Variants in FAM240B observed in about 807,000 individuals in gnomAD.
The protein encoded by FAM240B is protein FAM240B.
intron 1 of FAM240B, among the ~76,000 whole-genome samples, chr9:38,717,211 T>C (rs1194241758): frequency 6.6e-6 from 1 of 152,218 alleles, no homozygotes; most frequent in East Asian, 1.9e-4. Context: ...GGTCTACATA[T>C]TTGGGATGCT....
In FAM240B at chr9:38,703,892, C is replaced by A. The variant is rs977740810; in HGVS notation, c.108G>T (p.Leu36=). Reference sequence around the variant, plus strand: ...CGCTTCTTTCTTGACGATCTTCCTCCAGTTCTCGGTAAAAAGTCTGTTTGC... The same window carrying A: ...CGCTTCTTTCTTGACGATCTTCCTCAAGTTCTCGGTAAAAAGTCTGTTTGC... The part of the protein sequence containing the change: ...EISKQTFYRE[L]EEDRQERSAL... The change falls in exon 2 of 3, where the codon CTG becomes CTT. Residue 36 remains leucine (L), a synonymous_variant. Coordinates refer to ENST00000637493, the MANE Select transcript of FAM240B (RefSeq NM_001394922.1). 1 of 400,432 alleles carries A rather than the reference C, an allele frequency of 2.5e-6. No homozygotes were observed. Among genetic ancestry groups the A allele is most frequent in the Non-Finnish European group, 4.4e-6 (1 of 226,122 alleles). 24.8% of individuals were successfully genotyped at this position (400,432 alleles called of 1,614,324 possible). A position where few individuals can be genotyped will look rare whatever the true frequency, so the allele number is the denominator to read the frequency against.
rs368293051 is a variant in FAM240B, at chr9:38,707,619, A to C, written c.-3-3617T>G. 1.9e-3 allele frequency among the ~76,000 whole-genome samples: 277 copies of C among 149,532 alleles called. 2 individuals are homozygous for C. Among genetic ancestry groups the C allele is most frequent in the African/African-American group, 4.7e-3 (193 of 40,818 alleles). On this transcript the variant is annotated intron_variant, in intron 1 of 2. Coordinates refer to ENST00000637493, the MANE Select transcript of FAM240B (RefSeq NM_001394922.1). ...CCGTCTCTACTAAAAAAAACAAAAA[A>C]AAAAAACAAAAAAAAAACCAAAAAA...
intron 1 of FAM240B, among the ~76,000 whole-genome samples, chr9:38,716,233 A>C (rs1021574779): frequency 6.6e-6 from 1 of 152,172 alleles, no homozygotes; most frequent in Non-Finnish European, 1.5e-5. Flanking sequence ...GCACTTTGGG[A>C]GGCTGAAGCA....
chr9:38,711,774 A>C (rs1040589181), intron 1 of FAM240B, among the ~76,000 whole-genome samples: 4 of 150,656 alleles, frequency 2.7e-5, no homozygotes, highest in Non-Finnish European at 4.4e-5. Context: ...CTCCTGCCTC[A>C]GCCTCCTGAG....
At chr9:38,705,199 C>G (rs1821174803) in intron 1 of FAM240B, 1 of 152,286 alleles carries the variant, frequency 6.6e-6, no homozygotes, top group South Asian at 2.1e-4. Flanking sequence ...AGACCTGGTC[C>G]CTTACTTCAC....
intron 1 of FAM240B, among the ~76,000 whole-genome samples, chr9:38,706,390 C>G (rs1002298197): frequency 6.6e-6 from 1 of 152,180 alleles, no homozygotes; most frequent in Admixed American, 6.5e-5. Context: ...GGTGCCCTCT[C>G]CCACTTCAGG....
chr9:38,700,691 T>C (rs1821115844), intron 2 of FAM240B, among the ~76,000 whole-genome samples: 1 of 152,210 alleles, frequency 6.6e-6, no homozygotes, highest in South Asian at 2.1e-4. Flanking sequence ...AATCAGTTGT[T>C]TGCAAACACT....
chr9:38,713,641 T>C (rs1014729524), intron 1 of FAM240B, among the ~76,000 whole-genome samples: 5 of 151,914 alleles, frequency 3.3e-5, no homozygotes, highest in Non-Finnish European at 7.4e-5. Context: ...AGTTGATGAG[T>C]GTGCTGTAAT....
intron 1 of FAM240B, among the ~76,000 whole-genome samples, chr9:38,711,797 T>G (rs1445933024): frequency 1.3e-5 from 2 of 151,830 alleles, no homozygotes; most frequent in African/African-American, 4.8e-5. Flanking sequence ...GCTGGGATTA[T>G]AGGCACGTGC....
intron 2 of FAM240B, among the ~76,000 whole-genome samples, chr9:38,702,443 G>A (rs901204029): frequency 1.3e-5 from 2 of 152,204 alleles, no homozygotes; most frequent in Non-Finnish European, 2.9e-5. Context: ...GCTCTGCTGT[G>A]GAGAACACAT....
intron 1 of FAM240B, among the ~76,000 whole-genome samples, chr9:38,707,038 G>A (rs565972220): frequency 1.3e-5 from 2 of 152,326 alleles, no homozygotes; most frequent in South Asian, 2.1e-4. Flanking sequence ...TTAACTGCGA[G>A]GAAGGTGTTA....
At chr9:38,701,805 T>C (rs1225457755) in intron 2 of FAM240B, among the ~76,000 whole-genome samples, 1 of 152,218 alleles carries the variant, frequency 6.6e-6, no homozygotes, top group East Asian at 1.9e-4. Flanking sequence ...AATTAATGCA[T>C]TTTGTTCTAT....
chr9:38,704,011 T>A lies in FAM240B; in HGVS notation c.-3-9A>T, dbSNP rs1821160479. ...TATTGATTGTTCATCCCCTGAAATA[T>A]ACAAGTAAAGCAAATCCCACTTCTT... is the stretch of plus-strand genomic sequence containing the variant. On this transcript the variant is annotated splice_polypyrimidine_tract_variant and intron_variant, in intron 1 of 2. Transcript: ENST00000637493. 2.5e-6 allele frequency: 1 copy of A among 397,868 alleles called. No individual in the cohort carries two copies. Among genetic ancestry groups the A allele is most frequent in the Non-Finnish European group, 4.4e-6 (1 of 225,000 alleles). The allele number at this position is 397,868 out of a possible 1,614,324, so 24.6% of individuals were successfully genotyped here.
intron 2 of FAM240B, among the ~76,000 whole-genome samples, chr9:38,701,671 G>C (rs1349249919): frequency 6.6e-6 from 1 of 152,074 alleles, no homozygotes; most frequent in African/African-American, 2.4e-5. Context: ...CACTTCGTTG[G>C]GGGAGACTGA....
At chr9:38,714,394 A>G (rs1032118963) in intron 1 of FAM240B, among the ~76,000 whole-genome samples, 2 of 152,206 alleles carry the variant, frequency 1.3e-5, no homozygotes, top group Non-Finnish European at 2.9e-5. Flanking sequence ...GTCTCTAAAA[A>G]TTTAATAATT....
intron 1 of FAM240B, among the ~76,000 whole-genome samples, chr9:38,706,353 C>T (rs1162450311): frequency 6.6e-6 from 1 of 152,158 alleles, no homozygotes; most frequent in Non-Finnish European, 1.5e-5. Flanking sequence ...CTCCCGGACA[C>T]TCCCTGGAAA....
intron 2 of FAM240B, among the ~76,000 whole-genome samples, chr9:38,696,650 A>G (rs1329788144): frequency 1.3e-5 from 2 of 151,966 alleles, no homozygotes; most frequent in Non-Finnish European, 2.9e-5. Flanking sequence ...TCTACTAAAA[A>G]CAAAAAAAAA....
rs1821146476 is a variant in FAM240B at position 38,702,835 on chromosome 9, G to C, written c.143+1022C>G. Among the ~76,000 whole-genome samples the C allele has an allele frequency of 3.9e-5, 6 of 152,156 alleles. No homozygotes were observed. In the South Asian group the frequency reaches 1.2e-3, roughly 32 times the overall value. Reference sequence around the variant, plus strand: ...TCCGTCAACCTAACCCTGAAATTTAGTGTAACCACATGTGCTAAAGATTGT... The same window carrying C: ...TCCGTCAACCTAACCCTGAAATTTACTGTAACCACATGTGCTAAAGATTGT... On this transcript the variant is annotated intron_variant, in intron 2 of 2. Transcript: ENST00000637493.
chr9:38,705,781 G>T (rs556215166), intron 1 of FAM240B, among the ~76,000 whole-genome samples: 1 of 152,320 alleles, frequency 6.6e-6, no homozygotes, highest in African/African-American at 2.4e-5. Flanking sequence ...GAGGTAAGAA[G>T]AAGCTTGAAA....
Sources: gnomAD v4.1 joint callset for allele counts (sites outside exome capture counted in the v4.1 genomes callset) on GRCh38, gnomAD v4.1.1 for gene constraint, MANE v1.5 for transcripts, NCBI Gene and HGNC (gene_info 2026-07-23, HGNC 2026-07-21) for gene names.